The following CFAP95 variants were observed in gnomAD, a reference collection of about 807,000 sequenced individuals.
The protein encoded by CFAP95 is cilia- and flagella-associated protein 95.
At chr9:69,821,187 T>C in the CFAP95 span, among the ~76,000 whole-genome samples, 5 of 148,008 alleles carry the variant, frequency 3.4e-5, no homozygotes, top group Admixed American at 2.7e-4. Context: ...GGGAGAAATG[T>C]AGAGAAAGAA....
chr9:69,885,518 G>T, the CFAP95 span, among the ~76,000 whole-genome samples: 1 of 152,202 alleles, frequency 6.6e-6, no homozygotes, highest in Non-Finnish European at 1.5e-5. Context: ...TACTCTAGAT[G>T]TGTGGGTCAA....
chr9:69,839,533 T>G, the CFAP95 span, among the ~76,000 whole-genome samples: 1 of 152,020 alleles, frequency 6.6e-6, no homozygotes, highest in Non-Finnish European at 1.5e-5. Flanking sequence ...TTCAAGCGAT[T>G]CTCATGCCTC....
At chr9:69,882,375 G>A in the CFAP95 span, among the ~76,000 whole-genome samples, 1 of 152,166 alleles carries the variant, frequency 6.6e-6, no homozygotes, top group Non-Finnish European at 1.5e-5. Context: ...CTAAATATAA[G>A]ATCATGTCAT....
the CFAP95 span, among the ~76,000 whole-genome samples, chr9:69,870,416 T>C: frequency 6.6e-6 from 1 of 152,204 alleles, no homozygotes; most frequent in African/African-American, 2.4e-5. Flanking sequence ...GCATGAAATA[T>C]AAAGGCAAGG....
At chr9:69,882,632 A>AT in the CFAP95 span, among the ~76,000 whole-genome samples, 11 of 152,220 alleles carry the variant, frequency 7.2e-5, no homozygotes, top group East Asian at 1.9e-3. Flanking sequence ...TCTATACTCA[A>AT]TTTTTTGAGG....
the CFAP95 span, among the ~76,000 whole-genome samples, chr9:69,849,523 T>C: frequency 6.6e-6 from 1 of 152,056 alleles, no homozygotes; most frequent in South Asian, 2.1e-4. Context: ...AACTCATAGG[T>C]TCCTAGGGGA....
At chr9:69,844,274 G>A in the CFAP95 span, among the ~76,000 whole-genome samples, 64,535 of 151,978 alleles carry the variant, frequency 0.42, 14,474 homozygotes, top group African/African-American at 0.57. Flanking sequence ...AGTAATTACT[G>A]TGTTTGATAA....
the CFAP95 span, among the ~76,000 whole-genome samples, chr9:69,891,213 C>T: frequency 0.011 from 1,747 of 152,290 alleles, 30 homozygotes; most frequent in African/African-American, 0.039. Flanking sequence ...ATCCCTTTAA[C>T]AGCAGTTAGT....
chr9:69,847,001 T>G, the CFAP95 span, among the ~76,000 whole-genome samples: 894 of 152,274 alleles, frequency 5.9e-3, 3 homozygotes, highest in Admixed American at 0.011. Context: ...TCAGAGAGAT[T>G]AATATGTATG....
the CFAP95 span, among the ~76,000 whole-genome samples, chr9:69,897,749 A>G: frequency 9.9e-3 from 1,502 of 152,226 alleles, 32 homozygotes; most frequent in African/African-American, 0.035. Context: ...GTGGAGGTGG[A>G]GTGGATACCA....
chr9:69,891,891 C>T, the CFAP95 span, among the ~76,000 whole-genome samples: 5 of 151,978 alleles, frequency 3.3e-5, no homozygotes, highest in African/African-American at 1.2e-4. Flanking sequence ...TTTTTTTAAT[C>T]CCCCACTGGG....
the CFAP95 span, among the ~76,000 whole-genome samples, chr9:69,895,335 GTCTCTCTC>G: frequency 0.022 from 2,696 of 121,084 alleles, 112 homozygotes; most frequent in African/African-American, 0.079. Context: ...CTTAAAATCA[GTCTCTCTC>G]TCTCTCTCTC....
the CFAP95 span, among the ~76,000 whole-genome samples, chr9:69,859,428 T>A: frequency 6.6e-6 from 1 of 152,152 alleles, no homozygotes; most frequent in African/African-American, 2.4e-5. Context: ...CTTTAAAATT[T>A]TTTTTCTTCC....
chr9:69,902,324 T>C, the CFAP95 span: 6 of 455,248 alleles, frequency 1.3e-5, no homozygotes, highest in African/African-American at 1.2e-4. Context: ...ATATTTTCTC[T>C]ACCCATTTGG....
At chr9:69,832,269 A>C in the CFAP95 span, among the ~76,000 whole-genome samples, 4 of 18,490 alleles carry the variant, frequency 2.2e-4, no homozygotes, top group Non-Finnish European at 2.2e-3. Flanking sequence ...ATTAGTTGTT[A>C]TGTCATTATT....
At chr9:69,833,134 C>T in the CFAP95 span, among the ~76,000 whole-genome samples, 5 of 152,036 alleles carry the variant, frequency 3.3e-5, no homozygotes, top group Non-Finnish European at 7.4e-5. Context: ...TGTTTTATTA[C>T]CCCCTCAAAA....
the CFAP95 span, among the ~76,000 whole-genome samples, chr9:69,895,906 C>T: frequency 2.0e-5 from 3 of 152,182 alleles, no homozygotes; most frequent in African/African-American, 7.2e-5. Flanking sequence ...AGTGATCCTC[C>T]TGCCTCAGCC....
chr9:69,854,507 C>G, the CFAP95 span, among the ~76,000 whole-genome samples: 1 of 152,260 alleles, frequency 6.6e-6, no homozygotes, highest in Admixed American at 6.5e-5. Flanking sequence ...CTTCTACTTT[C>G]TAGCTGATTT....
At chr9:69,831,171 G>T in the CFAP95 span, among the ~76,000 whole-genome samples, 1 of 151,802 alleles carries the variant, frequency 6.6e-6, no homozygotes, top group Non-Finnish European at 1.5e-5. Context: ...GATGGTTCCA[G>T]GTTCAATTAA....
Sources: gnomAD v4.1 joint callset for allele counts (sites outside exome capture counted in the v4.1 genomes callset) on GRCh38, gnomAD v4.1.1 for gene constraint, MANE v1.5 for transcripts, NCBI Gene and HGNC (gene_info 2026-07-23, HGNC 2026-07-21) for gene names.